The following NFASC variants were observed in gnomAD, a reference collection of about 807,000 sequenced individuals.
NFASC encodes neurofascin.
Under a neutral mutation model 147.5 loss-of-function variants are expected in NFASC, and 43 were observed. The ratio of observed to expected loss-of-function variants is 0.29; its 90% CI spans 0.23 to 0.38. NFASC has a LOEUF of 0.38. NFASC is among the 10% of genes least tolerant of loss of function. The pLI is 1.00. For missense variants in NFASC, 1,320 were observed against 1,689.0 expected, an observed-to-expected ratio of 0.78 and a Z score of 3.83; for synonymous variants, 622 against 665.5, an observed-to-expected ratio of 0.93 and a Z score of 1.01.
chr1:204,961,666 T>G (rs1182954897), intron 8 of NFASC, among the ~76,000 whole-genome samples: 1 of 152,260 alleles, frequency 6.6e-6, no homozygotes, highest in Non-Finnish European at 1.5e-5. Context: ...TCCCCGGAGC[T>G]CACTAACACT....
chr1:204,979,674 G>C lies in NFASC; in HGVS notation c.2176+115G>C, dbSNP rs1033825762. ...AGGTTACTTAACTTCTCCAAGGCCC[G>C]GCCTCATCTGTGAGGCAGAGAGTAA... On this transcript the variant is annotated intron_variant, in intron 19 of 29. Transcript: ENST00000339876. This position sits in a 1 kb window ranked among gnomAD's most constrained non-coding sequence, Gnocchi z 6.0. 5.4e-6 allele frequency: 5 copies of C among 918,454 alleles called. No homozygotes were observed. The highest frequency in any genetic ancestry group is 8.9e-6 in the Non-Finnish European group (5 of 560,994). The allele number at this position is 918,454 out of a possible 1,614,324, so 56.9% of individuals were successfully genotyped here. A position where few individuals can be genotyped will look rare whatever the true frequency, so the allele number is the denominator to read the frequency against.
In NFASC at chr1:204,958,921, G is replaced by A. The variant is rs556444389; in HGVS notation, c.706+1095G>A. Among the ~76,000 whole-genome samples the A allele has an allele frequency of 5.0e-4, 76 of 152,198 alleles. 2 individuals are homozygous for A. In the East Asian group the frequency reaches 5.0e-3, roughly 10 times the overall value. ...ACAGGTAGGGGGTGTGACCATTATC[G>A]TTCTCTTCCTTCCTCCCTATCCCTG... On this transcript the variant is annotated intron_variant, in intron 8 of 29. Transcript: ENST00000339876.
Position 204,970,627 on chromosome 1 carries a change from T to C in NFASC, c.1015T>C (p.Trp339Arg). 6.2e-7 allele frequency: 1 copy of C among 1,614,006 alleles called. No homozygotes were observed. Among genetic ancestry groups the C allele is most frequent in the Non-Finnish European group, 8.5e-7 (1 of 1,180,040 alleles). Residue 339 changes from tryptophan to arginine, a missense_variant, in exon 11 of 30, where the codon TGG becomes CGG. Trp to Arg is a moderately radical substitution (Grantham distance 101). Transcript: ENST00000339876. ...GTCTTGTCTTCCAGCTGCTCCCTACTGGCTGGACGAACCCAAGAACCTTAT... is the reference window on the plus strand; with the variant it reads ...GTCTTGTCTTCCAGCTGCTCCCTACCGGCTGGACGAACCCAAGAACCTTAT... ...ISVRVKAAPYWLDEPKNLILA... is the reference protein window; with the variant it reads ...ISVRVKAAPYRLDEPKNLILA...
intron 1 of NFASC, among the ~76,000 whole-genome samples, chr1:204,890,110 C>A (rs1350784069): frequency 1.3e-5 from 2 of 152,204 alleles, no homozygotes; most frequent in African/African-American, 4.8e-5. Context: ...AGCACACAGG[C>A]AAATTGGTTG....
At chr1:204,895,593 G>A (rs115467361) in intron 1 of NFASC, among the ~76,000 whole-genome samples, 143 of 152,314 alleles carry the variant, frequency 9.4e-4, no homozygotes, top group Middle Eastern at 3.4e-3. Flanking sequence ...CAGGATTTCA[G>A]CTTACAAAGA....
intron 1 of NFASC, among the ~76,000 whole-genome samples, chr1:204,839,297 G>A (rs897940433): frequency 6.6e-5 from 10 of 151,642 alleles, no homozygotes; most frequent in African/African-American, 2.4e-4. Context: ...CAGTACTGCG[G>A]GCATTGACAA....
chr1:204,904,172 A>G (rs1190526889), intron 1 of NFASC, among the ~76,000 whole-genome samples: 1 of 152,178 alleles, frequency 6.6e-6, no homozygotes, highest in Non-Finnish European at 1.5e-5. Context: ...ATTTTGGCTC[A>G]CTACAGCCTC....
At position 205,001,186 on chromosome 1, in the gene NFASC, C is replaced by T. The variant is rs1292717821; in HGVS notation, c.3036C>T (p.Ser1012=). Residue 1012 remains serine (S), a synonymous_variant, in exon 26 of 30, where the codon TCC becomes TCT. Transcript: ENST00000339876. ...GTCCACCAGCCCCTGATGAGCAGTC[C>T]ATATGGAACGTCACGGTGCTCCCCA... ...KIHESAPDEQ[S]IWNVTVLPNS... is the part of the protein sequence containing the mutation. The T allele has an allele frequency of 6.2e-7, 1 of 1,609,870 alleles. No homozygotes were observed. Among genetic ancestry groups the T allele is most frequent in the Admixed American group, 1.7e-5 (1 of 59,614 alleles).
chr1:204,831,006 G>A (rs1672078251), intron 1 of NFASC, among the ~76,000 whole-genome samples: 1 of 152,198 alleles, frequency 6.6e-6, no homozygotes. Flanking sequence ...TCTCCAGCGT[G>A]AGAGGGGGTG....
intron 8 of NFASC, among the ~76,000 whole-genome samples, chr1:204,965,600 T>TA (rs2094905832): frequency 6.6e-6 from 1 of 152,208 alleles, no homozygotes; most frequent in Non-Finnish European, 1.5e-5. Flanking sequence ...GAGTTTTTTT[T>TA]AATAGCCACT....
At chr1:205,012,658 C>T (rs1186614962) in intron 28 of NFASC, 139 bp from the exon 29 acceptor site, 5 of 709,222 alleles carry the variant, frequency 7.0e-6, no homozygotes, top group Admixed American at 2.1e-5. Flanking sequence ...ACAAGGGAGG[C>T]GTGGATGGTG....
chr1:204,896,149 T>C (rs1454268335), intron 1 of NFASC, among the ~76,000 whole-genome samples: 1 of 152,162 alleles, frequency 6.6e-6, no homozygotes, highest in Non-Finnish European at 1.5e-5. Context: ...TCAGAAAAGC[T>C]GAATGCAGAG....
chr1:204,923,322 G>T (rs139344348), intron 2 of NFASC, among the ~76,000 whole-genome samples: 2,256 of 152,028 alleles, frequency 0.015, 53 homozygotes, highest in African/African-American at 0.052. Flanking sequence ...CTCCTGAGCC[G>T]CCCCTCCCTC....
rs1325870554 is a variant in NFASC at position 205,016,862 on chromosome 1, G to T, written c.*323G>T. The T allele has an allele frequency of 2.3e-6, 1 of 432,970 alleles. No homozygotes were observed. The highest frequency in any genetic ancestry group is 4.4e-6 in the Non-Finnish European group (1 of 229,750). 26.8% of individuals were successfully genotyped at this position (432,970 alleles called of 1,614,324 possible). A position where few individuals can be genotyped will look rare whatever the true frequency, so the allele number is the denominator to read the frequency against. ...CTGTCCGCCCTTGGCCTCGGCACAC[G>T]CTCACCTTTTCTGTTGGTTACGGGA... On this transcript the variant is annotated 3_prime_UTR_variant, in exon 30 of 30. Transcript: ENST00000339876. This position sits in a 1 kb window ranked among gnomAD's most constrained non-coding sequence, Gnocchi z 5.1.
At chr1:204,950,347 A>G (rs2094018608) in intron 3 of NFASC, among the ~76,000 whole-genome samples, 1 of 152,182 alleles carries the variant, frequency 6.6e-6, no homozygotes, top group Admixed American at 6.5e-5. Context: ...CACCTTCTCC[A>G]TAAGGCACTC....
chr1:204,898,698 C>T (rs2083889531), intron 1 of NFASC, among the ~76,000 whole-genome samples: 4 of 152,160 alleles, frequency 2.6e-5, no homozygotes, highest in Admixed American at 2.6e-4. Context: ...AGTGCAGCCT[C>T]GTGTCCTCCA....
At chr1:204,851,727 A>G (rs888677070) in intron 1 of NFASC, among the ~76,000 whole-genome samples, 2 of 152,256 alleles carry the variant, frequency 1.3e-5, no homozygotes, top group Admixed American at 6.5e-5. Flanking sequence ...CTTTATGCAT[A>G]TAACAATCAA....
Position 204,974,735 on chromosome 1 carries a change from G to A in NFASC, c.1470G>A (p.Met490Ile). 1 of 1,613,982 alleles carries A rather than the reference G, an allele frequency of 6.2e-7. No individual in the cohort carries two copies. ...VYENGSLEIK[M>I]IRKEDQGIYT... ...AGAACGGCAGTCTGGAAATTAAGAT[G>A]ATCCGCAAAGAGGACCAGGGCATCT... The change falls in exon 14 of 30, where the codon ATG (methionine) becomes ATA (isoleucine). Residue 490 changes from methionine (M) to isoleucine (I), a missense_variant. By Grantham distance (10) the Met-to-Ile change is conservative. Coordinates refer to ENST00000339876, the MANE Select transcript of NFASC (RefSeq NM_001005388.3).
chr1:204,940,320 G>T (rs1027370273), intron 2 of NFASC, among the ~76,000 whole-genome samples: 10 of 152,096 alleles, frequency 6.6e-5, no homozygotes, highest in African/African-American at 2.2e-4. Flanking sequence ...GGGTGTGGTG[G>T]CACATGCCTG....
Sources: gnomAD v4.1 joint callset for allele counts (sites outside exome capture counted in the v4.1 genomes callset) on GRCh38, gnomAD v4.1.1 for gene constraint, Gnocchi (gnomAD v3.1) non-coding constraint, MANE v1.5 for transcripts, NCBI Gene and HGNC (gene_info 2026-07-23, HGNC 2026-07-21) for gene names.